Variants in CEP112 observed in about 807,000 individuals in gnomAD.
CEP112 encodes the protein centrosomal protein 112.
A neutral mutation model predicts 153.0 loss-of-function variants in CEP112; 127 were observed. The observed-to-expected ratio is 0.83, with a 90% CI of 0.72 to 0.96. The LOEUF is 0.96. Among genes scored for constraint, CEP112 ranks in the 40% least tolerant of loss-of-function variants. The probability of loss-of-function intolerance (pLI) is 0.00; values close to 1 mark genes in which losing one functional copy is unlikely to be tolerated. For synonymous variants in CEP112, 358 were observed against 374.4 expected, an observed-to-expected ratio of 0.96 and a Z score of 0.51; for missense variants, 1,089 against 1,101.2, an observed-to-expected ratio of 0.99 and a Z score of 0.16.
intron 18 of CEP112, among the ~76,000 whole-genome samples, chr17:65,956,236 C>G (rs1284769115): frequency 6.6e-6 from 1 of 152,102 alleles, no homozygotes; most frequent in Non-Finnish European, 1.5e-5. Flanking sequence ...TTTGATTCAG[C>G]AATCCCACTT....
At chr17:66,080,157 A>G (rs2067660531) in intron 8 of CEP112, among the ~76,000 whole-genome samples, 1 of 152,190 alleles carries the variant, frequency 6.6e-6, no homozygotes, top group Non-Finnish European at 1.5e-5. Flanking sequence ...AAATTGACAA[A>G]TGGGATCTAA....
intron 21 of CEP112, among the ~76,000 whole-genome samples, chr17:65,769,744 C>T (rs987930): frequency 0.48 from 72,568 of 151,356 alleles, 19,016 homozygotes; most frequent in East Asian, 0.78. Flanking sequence ...CCTTATCTTA[C>T]GCCATACATA....
intron 20 of CEP112, among the ~76,000 whole-genome samples, chr17:65,885,842 A>G (rs1486043519): frequency 6.6e-6 from 1 of 152,240 alleles, no homozygotes; most frequent in Non-Finnish European, 1.5e-5. Flanking sequence ...CAATTCGAGA[A>G]CTGTACTATA....
chr17:65,970,638 G>GCATGCACGCATGTATATTACATA (rs1568315689), intron 17 of CEP112, among the ~76,000 whole-genome samples: 1 of 151,888 alleles, frequency 6.6e-6, no homozygotes, highest in Non-Finnish European at 1.5e-5. Context: ...CATATTACAT[G>GCATGCACGCATGTATATTACATA]CATGCACGCA....
chr17:65,907,181 C>T (rs1409747936), intron 19 of CEP112, among the ~76,000 whole-genome samples: 1 of 152,148 alleles, frequency 6.6e-6, no homozygotes, highest in Non-Finnish European at 1.5e-5. Context: ...GTAATGATAC[C>T]TCCTTGTTCT....
At chr17:66,051,052 T>A (rs925940561) in intron 12 of CEP112, among the ~76,000 whole-genome samples, 7 of 152,038 alleles carry the variant, frequency 4.6e-5, no homozygotes. Context: ...CAATCACACC[T>A]CACTGCAACC....
chr17:66,104,301 A>G (rs772759920), intron 6 of CEP112, among the ~76,000 whole-genome samples: 1 of 152,182 alleles, frequency 6.6e-6, no homozygotes, highest in Non-Finnish European at 1.5e-5. Context: ...ACAGTAGACT[A>G]TGGCACCAGG....
chr17:66,157,326 G>A (rs2071487345), intron 4 of CEP112, among the ~76,000 whole-genome samples: 1 of 152,138 alleles, frequency 6.6e-6, no homozygotes, highest in Admixed American at 6.5e-5. Flanking sequence ...ACGAGCAAAT[G>A]TTGAGAGATT....
chr17:66,150,225 T>C (rs1223473923), intron 4 of CEP112, among the ~76,000 whole-genome samples: 1 of 133,208 alleles, frequency 7.5e-6, no homozygotes, highest in Non-Finnish European at 1.6e-5. Context: ...TAAGATGGAG[T>C]CTCACTGTGT....
chr17:66,097,294 C>T (rs940265242), intron 6 of CEP112, among the ~76,000 whole-genome samples: 2 of 152,162 alleles, frequency 1.3e-5, no homozygotes, highest in African/African-American at 2.4e-5. Flanking sequence ...GGTTAACTTA[C>T]TCAAGACTTG....
intron 2 of CEP112, chr17:66,182,147 T>G (rs1456370128): frequency 2.0e-5 from 3 of 152,218 alleles, no homozygotes; most frequent in African/African-American, 7.2e-5. Context: ...CAAAAATAGG[T>G]GAGCACAATA....
intron 12 of CEP112, among the ~76,000 whole-genome samples, chr17:66,038,517 A>G (rs1014543843): frequency 6.6e-6 from 1 of 152,342 alleles, no homozygotes; most frequent in East Asian, 1.9e-4. Flanking sequence ...TAAACGGAAT[A>G]AAAGAGCTGA....
intron 24 of CEP112, among the ~76,000 whole-genome samples, chr17:65,687,619 A>T (rs942465304): frequency 2.0e-5 from 3 of 152,226 alleles, no homozygotes; most frequent in Admixed American, 1.3e-4. Flanking sequence ...TATACATATG[A>T]CACAGAGTTC....
chr17:65,969,187 T>A (rs1195175415), intron 17 of CEP112, among the ~76,000 whole-genome samples: 1 of 151,830 alleles, frequency 6.6e-6, no homozygotes, highest in Non-Finnish European at 1.5e-5. Context: ...GTTCAAGTGA[T>A]TCTCTTGCCT....
intron 12 of CEP112, among the ~76,000 whole-genome samples, chr17:66,031,668 G>C (rs2065492382): frequency 6.6e-6 from 1 of 151,690 alleles, no homozygotes; most frequent in South Asian, 2.1e-4. Context: ...CACTATGTTG[G>C]CCAGGCTGGT....
At chr17:65,888,375 G>T (rs1261264254) in intron 20 of CEP112, among the ~76,000 whole-genome samples, 1 of 152,028 alleles carries the variant, frequency 6.6e-6, no homozygotes, top group Non-Finnish European at 1.5e-5. Context: ...ATCCTTGCAG[G>T]GGAGGCCTTT....
chr17:66,023,304 A>G (rs2065074483), intron 16 of CEP112, among the ~76,000 whole-genome samples: 1 of 152,178 alleles, frequency 6.6e-6, no homozygotes, highest in Admixed American at 6.5e-5. Flanking sequence ...AAAAAATCCT[A>G]AACTCAGCAA....
At chr17:66,147,274 T>G (rs1272758587) in intron 4 of CEP112, among the ~76,000 whole-genome samples, 1 of 152,188 alleles carries the variant, frequency 6.6e-6, no homozygotes, top group Non-Finnish European at 1.5e-5. Context: ...ACTTTTCATG[T>G]GCTTATTGGC....
intron 21 of CEP112, among the ~76,000 whole-genome samples, chr17:65,842,841 TAAC>T (rs893151707): frequency 2.6e-4 from 40 of 152,168 alleles, no homozygotes; most frequent in African/African-American, 9.4e-4. Flanking sequence ...TTTGTCAAAG[TAAC>T]AACAAAAGTC....
Sources: gnomAD v4.1 joint callset for allele counts (sites outside exome capture counted in the v4.1 genomes callset) on GRCh38, gnomAD v4.1.1 for gene constraint, MANE v1.5 for transcripts, NCBI Gene and HGNC (gene_info 2026-07-23, HGNC 2026-07-21) for gene names.